The following ANK2 variants were observed in gnomAD, a reference collection of about 807,000 sequenced individuals.
ANK2 encodes the protein ankyrin 2.
In ANK2, 83 loss-of-function variants were observed where a neutral mutation model predicts 360.5. The ratio of observed to expected loss-of-function variants is 0.23; its 90% confidence interval spans 0.19 to 0.28. The LOEUF (loss-of-function observed/expected upper bound fraction) is 0.28, where lower values mean the gene tolerates loss of function less well. ANK2 is among the 10% of genes least tolerant of loss of function. The probability of loss-of-function intolerance (pLI) is 1.00; values close to 1 mark genes in which losing one functional copy is unlikely to be tolerated. For synonymous variants in ANK2, 1,740 were observed against 1,759.5 expected, an observed-to-expected ratio of 0.99 and a Z score of 0.28; for missense variants, 4,201 against 4,795.7, an observed-to-expected ratio of 0.88 and a Z score of 3.66.
At chr4:112,784,156 A>T in the ANK2 span, among the ~76,000 whole-genome samples, 1 of 151,934 alleles carries the variant, frequency 6.6e-6, no homozygotes, top group Non-Finnish European at 1.5e-5. Context: ...GCATACTTAA[A>T]TGAGTATGTT....
chr4:112,938,917 C>A (rs143911643), intron 2 of ANK2, among the ~76,000 whole-genome samples: 1 of 152,144 alleles, frequency 6.6e-6, no homozygotes, highest in East Asian at 1.9e-4. Flanking sequence ...AGAACAGTAC[C>A]TGCCACATAG....
chr4:112,768,027 AAAG>A, the ANK2 span, among the ~76,000 whole-genome samples: 1 of 152,194 alleles, frequency 6.6e-6, no homozygotes, highest in Non-Finnish European at 1.5e-5. Flanking sequence ...GGGAGAGGGA[AAAG>A]AAGAAGAAAT....
Position 112,987,741 on chromosome 4 carries a change from C to T in ANK2, c.21+83227C>T, listed in dbSNP as rs558863902. On this transcript the variant is annotated intron_variant, in intron 2 of 30. Coordinates refer to the ANK2 transcript ENST00000503271. ...TATTGCCTAACTTAGTTAGGCAATA[C>T]ATGTATTAGTTAGGCAATATACGTA... Among the ~76,000 whole-genome samples, 17 of 151,880 alleles carry T rather than the reference C, an allele frequency of 1.1e-4. 1 individual carries two copies. In the South Asian group the frequency reaches 2.7e-3, roughly 24 times the overall value.
chr4:112,773,707 T>A, the ANK2 span, among the ~76,000 whole-genome samples: 1 of 152,354 alleles, frequency 6.6e-6, no homozygotes, highest in East Asian at 1.9e-4. Context: ...AGCCTTTATG[T>A]GGTAACAGAT....
chr4:113,124,380 A>G (rs1038742356), intron 1 of ANK2, among the ~76,000 whole-genome samples: 2 of 152,242 alleles, frequency 1.3e-5, no homozygotes, highest in Non-Finnish European at 2.9e-5. Context: ...TTTAGTAAGA[A>G]AGAAGGAATA....
intron 2 of ANK2, among the ~76,000 whole-genome samples, chr4:112,997,516 C>T (rs1481725278): frequency 6.6e-6 from 1 of 152,092 alleles, no homozygotes; most frequent in African/African-American, 2.4e-5. Context: ...GGTGATGCCT[C>T]CACAAAATCC....
Position 112,857,842 on chromosome 4 carries a change from CT to C in ANK2, c.-40+39579del, listed in dbSNP as rs778954541. Reference sequence around the variant, plus strand: ...TCAGGATCTTCTTAACATGCAGGTTCTGATTCAGTGGGACTGAAGTAGGACC... The same window carrying C: ...TCAGGATCTTCTTAACATGCAGGTTCGATTCAGTGGGACTGAAGTAGGACC... On this transcript the variant is annotated intron_variant, in intron 1 of 30. Coordinates refer to the ANK2 transcript ENST00000503271. Among the ~76,000 whole-genome samples the C allele has an allele frequency of 7.6e-4, 115 of 152,286 alleles. 2 individuals carry two copies. The highest frequency in any genetic ancestry group is 1.8e-4 in the Non-Finnish European group (12 of 68,030).
At chr4:113,285,698 A>T (rs1355261483) in intron 18 of ANK2, among the ~76,000 whole-genome samples, 1 of 152,122 alleles carries the variant, frequency 6.6e-6, no homozygotes, top group Non-Finnish European at 1.5e-5. Context: ...TGGAAGCTTC[A>T]TGATGTCAGC....
intron 1 of ANK2, among the ~76,000 whole-genome samples, chr4:113,055,633 A>T (rs1213125537): frequency 2.0e-5 from 3 of 152,214 alleles, no homozygotes; most frequent in Non-Finnish European, 4.4e-5. Flanking sequence ...TATGTCTGGA[A>T]TCTAGAACTG....
chr4:113,215,382 G>A (rs897327137), intron 4 of ANK2, among the ~76,000 whole-genome samples: 1 of 152,154 alleles, frequency 6.6e-6, no homozygotes, highest in Non-Finnish European at 1.5e-5. Flanking sequence ...TGTAATAAGT[G>A]CAATATAAAT....
intron 14 of ANK2, 71 bp downstream of exon 14, chr4:113,265,066 C>T: frequency 7.3e-7 from 1 of 1,367,180 alleles, no homozygotes. Flanking sequence ...AGGGTGTTGC[C>T]CTTCAGTTCC....
At chr4:113,147,626 A>G (rs2096883222) in intron 1 of ANK2, among the ~76,000 whole-genome samples, 1 of 152,204 alleles carries the variant, frequency 6.6e-6, no homozygotes, top group African/African-American at 2.4e-5. Context: ...ATGGAGAAAA[A>G]GAAAAAGTTA....
the ANK2 span, among the ~76,000 whole-genome samples, chr4:112,800,409 G>T: frequency 6.6e-6 from 1 of 152,174 alleles, no homozygotes; most frequent in Non-Finnish European, 1.5e-5. Context: ...GTGTGTATGT[G>T]TGTGTGTATG....
intron 2 of ANK2, among the ~76,000 whole-genome samples, chr4:112,962,680 T>C (rs1182149485): frequency 1.3e-5 from 2 of 152,186 alleles, no homozygotes; most frequent in Non-Finnish European, 2.9e-5. Flanking sequence ...AAGTGTTCAA[T>C]GGGAATTTAT....
At chr4:112,855,855 A>G (rs2066272905) in intron 1 of ANK2, among the ~76,000 whole-genome samples, 1 of 152,146 alleles carries the variant, frequency 6.6e-6, no homozygotes, top group South Asian at 2.1e-4. Flanking sequence ...TGGGCTGCCC[A>G]CCTTTGGTCT....
At chr4:112,919,464 G>T (rs1219097202) in intron 2 of ANK2, among the ~76,000 whole-genome samples, 1 of 151,914 alleles carries the variant, frequency 6.6e-6, no homozygotes, top group African/African-American at 2.4e-5. Flanking sequence ...AAAACAATTA[G>T]TTTATTTTAT....
chr4:113,091,202 T>C (rs972391500), intron 1 of ANK2, among the ~76,000 whole-genome samples: 2 of 152,222 alleles, frequency 1.3e-5, no homozygotes, highest in African/African-American at 4.8e-5. Flanking sequence ...ATACTGCTTA[T>C]CAGTCATTTT....
intron 34 of ANK2, among the ~76,000 whole-genome samples, chr4:113,344,085 T>A (rs893425199): frequency 6.6e-6 from 1 of 152,356 alleles, no homozygotes; most frequent in Middle Eastern, 3.4e-3. Context: ...GCCTGACTGA[T>A]GATAGATTCT....
intron 1 of ANK2, among the ~76,000 whole-genome samples, chr4:113,115,896 C>T (rs1456900443): frequency 6.6e-6 from 1 of 152,010 alleles, no homozygotes; most frequent in Non-Finnish European, 1.5e-5. Flanking sequence ...TAGTGAAAAC[C>T]CTTCTCCTAA....
Sources: gnomAD v4.1 joint callset for allele counts (sites outside exome capture counted in the v4.1 genomes callset) on GRCh38, gnomAD v4.1.1 for gene constraint, MANE v1.5 for transcripts, NCBI Gene and HGNC (gene_info 2026-07-23, HGNC 2026-07-21) for gene names.